MEX3C: variants seen among roughly 807,000 people sequenced by gnomAD.
The protein encoded by MEX3C is RNA-binding E3 ubiquitin-protein ligase MEX3C.
MEX3C carries 15 observed loss-of-function variants against 35.5 expected under a neutral mutation model. The ratio of observed to expected loss-of-function variants is 0.42; its 90% CI spans 0.28 to 0.65. MEX3C has a LOEUF of 0.65. Among genes scored for constraint, MEX3C ranks in the 30% least tolerant of loss-of-function variants. MEX3C has a pLI of 0.20. For synonymous variants in MEX3C, 390 were observed against 352.8 expected (o/e 1.11, Z -1.18); for missense variants, 711 against 842.8 (o/e 0.84, Z 1.94).
At chr18:51,195,876 A>G (rs1256097088) in intron 1 of MEX3C, 4 of 152,280 alleles carry the variant, frequency 2.6e-5, no homozygotes, top group Admixed American at 2.6e-4. Flanking sequence ...TAATTACCTT[A>G]GTGTCCATTT....
chr18:51,195,906 G>T (rs116631095), intron 1 of MEX3C: 13 of 152,688 alleles, frequency 8.5e-5, no homozygotes, highest in African/African-American at 3.1e-4. Flanking sequence ...CCTGCACACT[G>T]AACAGTTTTA....
chr18:51,196,617 C>T lies in MEX3C; in HGVS notation c.704G>A (p.Cys235Tyr). ...GTGCTCGGAGCTGGGCACCGGGACGCACTCGGTGGTGTTGACGCTCTTTCT... is the reference window on the plus strand; with the variant it reads ...GTGCTCGGAGCTGGGCACCGGGACGTACTCGGTGGTGTTGACGCTCTTTCT... The part of the protein sequence containing the change: ...LRRKSVNTTE[C>Y]VPVPSSEHVA... The change falls in exon 1 of 2, where the codon TGC becomes TAC. Residue 235 changes from cysteine to tyrosine, a missense_variant. Physicochemically the swap from Cys to Tyr is radical, Grantham distance 194. Coordinates refer to ENST00000406189, the MANE Select transcript of MEX3C (RefSeq NM_016626.5). The T allele has an allele frequency of 6.3e-7, 1 of 1,591,816 alleles. No individual in the cohort carries two copies.
intron 1 of MEX3C, among the ~76,000 whole-genome samples, chr18:51,189,820 G>A (rs1029849446): frequency 1.3e-5 from 2 of 152,094 alleles, no homozygotes; most frequent in East Asian, 1.9e-4. Context: ...TTAGTTCTTT[G>A]CCAGGAAATA....
In MEX3C at chr18:51,176,396, T is replaced by A. The variant is rs150981349; in HGVS notation, c.1935A>T (p.Pro645=). 6.2e-7 allele frequency: 1 copy of A among 1,613,856 alleles called. No individual in the cohort carries two copies. The highest frequency in any genetic ancestry group is 1.7e-5 in the Admixed American group (1 of 59,996). Residue 645 remains proline (P), a synonymous_variant, in exon 2 of 2, where the codon CCA becomes CCT. Coordinates refer to ENST00000406189, the MANE Select transcript of MEX3C (RefSeq NM_016626.5). The part of the protein sequence containing the change: ...KICEKRTPSC[P]VCQTAVTQAI... ...CCTGAGTAACAGCTGTCTGGCAAAC[T>A]GGACATGATGGCGTTCTCTTTTCAC...
rs1912294525 is a variant in MEX3C, at chr18:51,176,078, G to A, written c.*273C>T. The A allele has an allele frequency of 6.6e-6, 2 of 305,050 alleles. No homozygotes were observed. The highest frequency in any genetic ancestry group is 8.1e-5 in the South Asian group (1 of 12,270). 18.9% of individuals were successfully genotyped at this position (305,050 alleles called of 1,614,324 possible). On this transcript the variant is annotated 3_prime_UTR_variant, in exon 2 of 2. Coordinates refer to ENST00000406189, the MANE Select transcript of MEX3C (RefSeq NM_016626.5). ...CCTATGATTATCTTCACTCAGCCAA[G>A]TTGAACTTCAGCTTTAGCAATTCTT... is the stretch of plus-strand genomic sequence containing the variant.
chr18:51,183,789 G>A (rs1207431230), intron 1 of MEX3C, among the ~76,000 whole-genome samples: 1 of 152,054 alleles, frequency 6.6e-6, no homozygotes, highest in Non-Finnish European at 1.5e-5. Context: ...GACAGGCTGA[G>A]CAACATAGCA....
intron 1 of MEX3C, among the ~76,000 whole-genome samples, chr18:51,188,583 G>A (rs941479403): frequency 6.5e-4 from 88 of 135,022 alleles, no homozygotes; most frequent in Admixed American, 1.2e-3. Context: ...GGGCGACAGA[G>A]TGAGACCCTG....
intron 1 of MEX3C, among the ~76,000 whole-genome samples, chr18:51,178,211 A>G (rs1912346096): frequency 6.6e-6 from 1 of 152,206 alleles, no homozygotes; most frequent in African/African-American, 2.4e-5. Context: ...TGCAGATTGT[A>G]TGGAATGTGG....
chr18:51,189,894 TACA>T (rs1912618420), intron 1 of MEX3C, among the ~76,000 whole-genome samples: 1 of 152,196 alleles, frequency 6.6e-6, no homozygotes, highest in Non-Finnish European at 1.5e-5. Context: ...AAATATAACT[TACA>T]TAATTTATTG....
At chr18:51,180,374 A>G (rs1912397734) in intron 1 of MEX3C, among the ~76,000 whole-genome samples, 1 of 152,212 alleles carries the variant, frequency 6.6e-6, no homozygotes, top group African/African-American at 2.4e-5. Flanking sequence ...CTCTTGAGAC[A>G]GGGGAGAAAG....
chr18:51,193,896 G>A (rs1912713396), intron 1 of MEX3C: 1 of 152,200 alleles, frequency 6.6e-6, no homozygotes, highest in Non-Finnish European at 1.5e-5. Flanking sequence ...TTGCTTCAGA[G>A]CTGAAGTCAT....
chr18:51,181,330 A>G (rs956939613), intron 1 of MEX3C, among the ~76,000 whole-genome samples: 1 of 129,256 alleles, frequency 7.7e-6, no homozygotes, highest in African/African-American at 2.5e-5. Flanking sequence ...ACGCATGCAC[A>G]CACACATCTC....
rs1223649208 is a variant in MEX3C, at chr18:51,176,914, A to G, written c.1417T>C (p.Phe473Leu). Residue 473 changes from phenylalanine to leucine, a missense_variant, in exon 2 of 2, where the codon TTT (phenylalanine) becomes CTT (leucine). Transcript: ENST00000406189. Reference sequence around the variant, plus strand: ...CCAAACCAGAAGTTTCCTGTGCTAAATGGGCTTGTTGGACTAAAGTCAGCC... The same window carrying G: ...CCAAACCAGAAGTTTCCTGTGCTAAGTGGGCTTGTTGGACTAAAGTCAGCC... Reference protein sequence around the residue: ...RLADFSPTSPFSTGNFWFGDT... With the variant: ...RLADFSPTSPLSTGNFWFGDT... 6.2e-7 allele frequency: 1 copy of G among 1,614,028 alleles called. No individual in the cohort carries two copies. The highest frequency in any genetic ancestry group is 1.7e-5 in the Admixed American group (1 of 60,030).
In MEX3C at chr18:51,197,281, C is replaced by T; in HGVS notation, c.40G>A (p.Ala14Thr). 9 of 798,484 alleles carry T rather than the reference C, an allele frequency of 1.1e-5. No individual in the cohort carries two copies. The highest frequency in any genetic ancestry group is 5.4e-5 in the South Asian group (1 of 18,396). 49.5% of individuals were successfully genotyped at this position (798,484 alleles called of 1,614,324 possible). A position where few individuals can be genotyped will look rare whatever the true frequency, so the allele number is the denominator to read the frequency against. The change falls in exon 1 of 2, where the codon GCC becomes ACC. Residue 14 changes from alanine to threonine, a missense_variant. Transcript: ENST00000406189. Reference protein sequence around the residue: ...GSSAALALAAAPAPLPQPPPP... With the variant: ...GSSAALALAATPAPLPQPPPP... ...GGCGGCTGCGGCAGGGGGGCCGGGG[C>T]CGCCGCCAGGGCCAGGGCCGCGGAG...
chr18:51,180,448 G>T (rs1355316975), intron 1 of MEX3C, among the ~76,000 whole-genome samples: 3 of 152,078 alleles, frequency 2.0e-5, no homozygotes, highest in African/African-American at 7.2e-5. Flanking sequence ...AGGGAAAAAA[G>T]TAAAAGGAAG....
At chr18:51,179,072 C>T (rs896641762) in intron 1 of MEX3C, among the ~76,000 whole-genome samples, 26 of 150,616 alleles carry the variant, frequency 1.7e-4, no homozygotes, top group Non-Finnish European at 2.7e-4. Flanking sequence ...GATGTGTTCT[C>T]GGCTGACCGC....
rs1211176379 is a variant in MEX3C at position 51,177,180 on chromosome 18, C to T, written c.1151G>A (p.Arg384Gln). 8 of 1,613,540 alleles carry T rather than the reference C, an allele frequency of 5.0e-6. No individual in the cohort carries two copies. The highest frequency in any genetic ancestry group is 1.3e-5 in the African/African-American group (1 of 74,894). Residue 384 changes from arginine to glutamine, a missense_variant, in exon 2 of 2, where the codon CGG (arginine) becomes CAG (glutamine). By Grantham distance (43) the Arg-to-Gln change is conservative. Around this residue, in one of 4 missense-constraint regions of MEX3C, gnomAD observed 187 missense variants for 201.7 expected, o/e 0.93. Coordinates refer to ENST00000406189, the MANE Select transcript of MEX3C (RefSeq NM_016626.5). This position sits in a 1 kb window ranked among gnomAD's most constrained non-coding sequence, Gnocchi z 4.2. ...GGCAATATGCATTTCTATTTCTTCC[C>T]GTGCTCGGTCAACATTTTCAGGCAT... ...TGMPENVDRA[R>Q]EEIEMHIAMR...
rs183635564 is a variant in MEX3C at position 51,193,916 on chromosome 18, C to T, written c.754+2651G>A. On this transcript the variant is annotated intron_variant, in intron 1 of 1. Coordinates refer to ENST00000406189, the MANE Select transcript of MEX3C (RefSeq NM_016626.5). ...TCAGAGCTGAAGTCATAAATGTCTC[C>T]ATCTGTGACATAATTATTTCCAAAA... is the stretch of plus-strand genomic sequence containing the variant. 1.4e-3 allele frequency: 211 copies of T among 152,294 alleles called. 2 individuals carry two copies. The highest frequency in any genetic ancestry group is 0.012 in the Admixed American group (189 of 15,294). The allele number at this position is 152,294 out of a possible 1,614,324, so 9.4% of individuals were successfully genotyped here.
chr18:51,194,065 T>C (rs529415586), intron 1 of MEX3C: 1 of 152,368 alleles, frequency 6.6e-6, no homozygotes, highest in Non-Finnish European at 1.5e-5. Flanking sequence ...AATGAAATGA[T>C]TTGCCCTGTT....
Sources: gnomAD v4.1 joint callset for allele counts (sites outside exome capture counted in the v4.1 genomes callset) on GRCh38, gnomAD v4.1.1 for gene constraint, gnomAD v4.1.1 regional missense constraint, Gnocchi (gnomAD v3.1) non-coding constraint, MANE v1.5 for transcripts, NCBI Gene and HGNC (gene_info 2026-07-23, HGNC 2026-07-21) for gene names.